UBASH3B: variants seen among roughly 807,000 people sequenced by gnomAD.
UBASH3B encodes the protein ubiquitin associated and SH3 domain containing B.
In UBASH3B, 37 loss-of-function variants were observed where a neutral mutation model predicts 83.4. The observed-to-expected ratio is 0.44, with a 90% confidence interval of 0.34 to 0.58. The LOEUF (loss-of-function observed/expected upper bound fraction) is 0.58, where lower values mean the gene tolerates loss of function less well. Ranked by LOEUF, UBASH3B falls within the 20% of genes least tolerant of loss-of-function variation. UBASH3B has a pLI of 0.01. For missense variants in UBASH3B, 657 were observed against 827.2 expected (o/e 0.79, Z 2.52); for synonymous variants, 304 against 318.3 (o/e 0.96, Z 0.48).
intron 1 of UBASH3B, among the ~76,000 whole-genome samples, chr11:122,753,578 C>T (rs565119857): frequency 4.8e-4 from 71 of 147,026 alleles, no homozygotes; most frequent in African/African-American, 1.7e-3. Flanking sequence ...CTCACTGCAA[C>T]CTCCTCCTCC....
chr11:122,668,772 C>A (rs1299509686), intron 1 of UBASH3B, among the ~76,000 whole-genome samples: 2 of 152,128 alleles, frequency 1.3e-5, no homozygotes, highest in Non-Finnish European at 1.5e-5. Flanking sequence ...CAAAGTGATA[C>A]TATTATTTGT....
intron 1 of UBASH3B, among the ~76,000 whole-genome samples, chr11:122,717,283 A>G (rs774320035): frequency 5.3e-5 from 8 of 152,230 alleles, no homozygotes; most frequent in Non-Finnish European, 8.8e-5. Context: ...CCTAAGAACC[A>G]CCACTTCCTG....
chr11:122,702,687 G>A lies in UBASH3B; in HGVS notation c.161+46477G>A, dbSNP rs7948044. On this transcript the variant is annotated intron_variant, in intron 1 of 13. Transcript: ENST00000284273. Reference sequence around the variant, plus strand: ...TTACAGGCGCATGCTACCACACCCGGCAAATTTTTGTATTTTTAGTAGAGA... The same window carrying A: ...TTACAGGCGCATGCTACCACACCCGACAAATTTTTGTATTTTTAGTAGAGA... Among the ~76,000 whole-genome samples, 744 of 152,062 alleles carry A rather than the reference G, an allele frequency of 4.9e-3. 1 individual carries two copies. Among genetic ancestry groups the A allele is most frequent in the African/African-American group, 0.015 (635 of 41,480 alleles).
intron 5 of UBASH3B, among the ~76,000 whole-genome samples, chr11:122,787,010 A>G (rs1255443152): frequency 1.5e-5 from 2 of 129,430 alleles, no homozygotes; most frequent in Admixed American, 8.2e-5. Flanking sequence ...ACCGCCCCAC[A>G]TGATAGAACA....
chr11:122,759,771 CGCCT>C lies in UBASH3B; in HGVS notation c.162-16437_162-16434del, dbSNP rs1411414646. ...CAGAGCTCAGGCAGTAATGCTCACT[CGCCT>C]GCCTGCCTGCTGTGCAGCCTGGCTC... On this transcript the variant is annotated intron_variant, in intron 1 of 13. Coordinates refer to ENST00000284273, the MANE Select transcript of UBASH3B (RefSeq NM_032873.5). The surrounding 1 kb of genome is among the most constrained non-coding windows in gnomAD (Gnocchi z 4.1). 1.3e-5 allele frequency among the ~76,000 whole-genome samples: 2 copies of C among 152,220 alleles called. No individual in the cohort carries two copies. Among genetic ancestry groups the C allele is most frequent in the African/African-American group, 4.8e-5 (2 of 41,460 alleles).
intron 1 of UBASH3B, among the ~76,000 whole-genome samples, chr11:122,732,274 C>A (rs1025262907): frequency 6.6e-6 from 1 of 152,132 alleles, no homozygotes; most frequent in Non-Finnish European, 1.5e-5. Context: ...AGACCAAGGC[C>A]GGCTGGCTGC....
intron 1 of UBASH3B, among the ~76,000 whole-genome samples, chr11:122,691,948 T>C (rs528823816): frequency 1.3e-5 from 2 of 152,130 alleles, no homozygotes; most frequent in African/African-American, 4.8e-5. Context: ...CTTCTGATCA[T>C]GAAGGAGGGC....
intron 1 of UBASH3B, among the ~76,000 whole-genome samples, chr11:122,744,588 CTG>C (rs1861081075): frequency 6.6e-6 from 1 of 151,364 alleles, no homozygotes; most frequent in South Asian, 2.1e-4. Context: ...CTGTGTGTGA[CTG>C]TGTGTGAGGG....
chr11:122,689,918 C>T (rs1412764728), intron 1 of UBASH3B, among the ~76,000 whole-genome samples: 1 of 151,924 alleles, frequency 6.6e-6, no homozygotes, highest in African/African-American at 2.4e-5. Flanking sequence ...GGGCATGGAG[C>T]TTCCACGGCC....
intron 1 of UBASH3B, among the ~76,000 whole-genome samples, chr11:122,761,952 C>A (rs1371964828): frequency 6.6e-6 from 1 of 151,842 alleles, no homozygotes; most frequent in African/African-American, 2.4e-5. Flanking sequence ...CCACCACGCC[C>A]AGCTAATTTT....
At chr11:122,777,232 C>G in intron 3 of UBASH3B, 22 bp downstream of exon 3, 1 of 1,590,552 alleles carries the variant, frequency 6.3e-7, no homozygotes, top group Non-Finnish European at 8.6e-7. Context: ...CGCCCCCACC[C>G]CTGGGAAGCC....
At chr11:122,773,127 T>C (rs567676858) in intron 1 of UBASH3B, among the ~76,000 whole-genome samples, 1 of 152,208 alleles carries the variant, frequency 6.6e-6, no homozygotes, top group African/African-American at 2.4e-5. Flanking sequence ...ACCCGGAGGA[T>C]AGCAGATGCG....
chr11:122,736,549 T>C (rs138900516), intron 1 of UBASH3B, among the ~76,000 whole-genome samples: 85 of 150,454 alleles, frequency 5.6e-4, no homozygotes, highest in African/African-American at 2.0e-3. Context: ...TTCAGGAGTT[T>C]ATGTAGAAGG....
intron 1 of UBASH3B, among the ~76,000 whole-genome samples, chr11:122,757,926 T>C (rs1372196730): frequency 6.6e-6 from 1 of 151,696 alleles, no homozygotes; most frequent in Non-Finnish European, 1.5e-5. Context: ...GTTGATGGTC[T>C]CTATCTCTTG....
chr11:122,789,657 G>A (rs191968435), intron 6 of UBASH3B, among the ~76,000 whole-genome samples: 6 of 152,230 alleles, frequency 3.9e-5, no homozygotes, highest in Non-Finnish European at 8.8e-5. Context: ...GAGTCAGGGT[G>A]GTCTGATTTC....
intron 2 of UBASH3B, 144 bp from the exon 3 acceptor site, chr11:122,776,880 T>G: frequency 1.4e-6 from 1 of 692,634 alleles, no homozygotes. Flanking sequence ...TTTCCAGAAG[T>G]AGATTTTTAA....
At chr11:122,776,924 G>C in intron 2 of UBASH3B, 100 bp from the exon 3 acceptor site, 1 of 1,161,214 alleles carries the variant, frequency 8.6e-7, no homozygotes, top group Non-Finnish European at 1.2e-6. Flanking sequence ...GCGCTGTGCC[G>C]GGGATTTGGA....
chr11:122,674,656 T>C (rs1052333037), intron 1 of UBASH3B, among the ~76,000 whole-genome samples: 4 of 151,466 alleles, frequency 2.6e-5, no homozygotes, highest in Non-Finnish European at 4.4e-5. Flanking sequence ...ACTGGGATTA[T>C]AGGCATGAGC....
At chr11:122,807,522 AT>A (rs1321053865) in intron 12 of UBASH3B, among the ~76,000 whole-genome samples, 2 of 152,090 alleles carry the variant, frequency 1.3e-5, no homozygotes, top group Admixed American at 1.3e-4. Context: ...ATGTATGTAT[AT>A]GTATGTAACC....
Sources: gnomAD v4.1 joint callset for allele counts (sites outside exome capture counted in the v4.1 genomes callset) on GRCh38, gnomAD v4.1.1 for gene constraint, Gnocchi (gnomAD v3.1) non-coding constraint, MANE v1.5 for transcripts, NCBI Gene and HGNC (gene_info 2026-07-23, HGNC 2026-07-21) for gene names.